Variants in THSD7B observed in about 807,000 individuals in gnomAD.
THSD7B encodes thrombospondin type 1 domain containing 7B.
A neutral mutation model predicts 213.6 loss-of-function variants in THSD7B; 138 were observed. The ratio of observed to expected loss-of-function variants is 0.65; its 90% CI spans 0.56 to 0.74. The LOEUF (loss-of-function observed/expected upper bound fraction) is 0.74. Ranked by LOEUF, THSD7B falls within the 30% of genes least tolerant of loss-of-function variation. THSD7B has a pLI of 0.00. For missense variants in THSD7B, 1,931 were observed against 1,991.5 expected (o/e 0.97, Z 0.58); for synonymous variants, 742 against 687.0 (o/e 1.08, Z -1.25).
At chr2:136,790,491 C>T (rs1359299782) in intron 1 of THSD7B, among the ~76,000 whole-genome samples, 1 of 152,058 alleles carries the variant, frequency 6.6e-6, no homozygotes, top group Non-Finnish European at 1.5e-5. Flanking sequence ...GTGATCTCCA[C>T]TTTTATTGCA....
At chr2:137,368,832 T>C (rs1185313940) in intron 12 of THSD7B, among the ~76,000 whole-genome samples, 1 of 152,074 alleles carries the variant, frequency 6.6e-6, no homozygotes, top group Non-Finnish European at 1.5e-5. Flanking sequence ...GTTATTTGCA[T>C]TTGCAATCAT....
intron 15 of THSD7B, among the ~76,000 whole-genome samples, chr2:137,465,214 T>C (rs1284662996): frequency 5.9e-5 from 9 of 151,834 alleles, no homozygotes; most frequent in African/African-American, 2.2e-4. Flanking sequence ...AGGGTGGGAC[T>C]GGGATGTGAG....
intron 2 of THSD7B, among the ~76,000 whole-genome samples, chr2:136,912,846 C>T (rs536529222): frequency 6.6e-6 from 1 of 152,238 alleles, no homozygotes; most frequent in African/African-American, 2.4e-5. Flanking sequence ...TCTTTTTCTT[C>T]CCAGTCTCAG....
intron 2 of THSD7B, among the ~76,000 whole-genome samples, chr2:136,936,194 A>G (rs1684724009): frequency 6.6e-6 from 1 of 152,114 alleles, no homozygotes; most frequent in African/African-American, 2.4e-5. Context: ...GGATGTGGTG[A>G]AAAGCGAACA....
intron 1 of THSD7B, among the ~76,000 whole-genome samples, chr2:136,876,696 A>G (rs1483262198): frequency 6.6e-6 from 1 of 152,228 alleles, no homozygotes. Context: ...GTGTATGTGC[A>G]TAAAAATGTC....
At chr2:137,650,318 C>A (rs780065370) in intron 21 of THSD7B, among the ~76,000 whole-genome samples, 3 of 151,996 alleles carry the variant, frequency 2.0e-5, no homozygotes, top group Non-Finnish European at 4.4e-5. Flanking sequence ...AATTGATTTG[C>A]AGGTGTTTTA....
chr2:137,124,075 C>T (rs1049128780), intron 5 of THSD7B, among the ~76,000 whole-genome samples: 2 of 152,210 alleles, frequency 1.3e-5, no homozygotes, highest in African/African-American at 4.8e-5. Context: ...TTCGCATACA[C>T]CTGCACTTCA....
chr2:137,522,585 G>A (rs1056027043), intron 15 of THSD7B, among the ~76,000 whole-genome samples: 1 of 151,950 alleles, frequency 6.6e-6, no homozygotes, highest in African/African-American at 2.4e-5. Flanking sequence ...AAATGTGAGG[G>A]AACTGTGGAA....
At chr2:137,363,615 C>T (rs557904358) in intron 12 of THSD7B, among the ~76,000 whole-genome samples, 93 of 152,234 alleles carry the variant, frequency 6.1e-4, no homozygotes, top group African/African-American at 1.9e-3. Flanking sequence ...AACAGCTCTA[C>T]GCAAATAAAC....
intron 15 of THSD7B, chr2:137,538,387 T>C: frequency 2.2e-6 from 1 of 455,228 alleles, no homozygotes; most frequent in South Asian, 1.6e-5. Context: ...AAAGGATTTC[T>C]ACTTTTTTCA....
intron 15 of THSD7B, among the ~76,000 whole-genome samples, chr2:137,503,294 C>A (rs890831573): frequency 1.3e-5 from 2 of 152,122 alleles, no homozygotes; most frequent in Non-Finnish European, 2.9e-5. Context: ...CAGAATATTT[C>A]TCCTACCCTA....
chr2:137,249,680 A>G (rs562731291), intron 10 of THSD7B, among the ~76,000 whole-genome samples: 86 of 152,324 alleles, frequency 5.6e-4, no homozygotes, highest in African/African-American at 2.1e-3. Context: ...GCTCAGAAAG[A>G]TGAAGTAACT....
intron 2 of THSD7B, among the ~76,000 whole-genome samples, chr2:136,885,773 A>G (rs1326761960): frequency 6.6e-6 from 1 of 152,142 alleles, no homozygotes; most frequent in East Asian, 1.9e-4. Context: ...AAATTGATTG[A>G]GAATAAAATA....
At chr2:137,186,355 T>C (rs114944549) in intron 7 of THSD7B, among the ~76,000 whole-genome samples, 1,820 of 152,252 alleles carry the variant, frequency 0.012, 31 homozygotes, top group African/African-American at 0.041. Flanking sequence ...AAGAATTTTG[T>C]AGTTTGAGGT....
intron 1 of THSD7B, among the ~76,000 whole-genome samples, chr2:136,806,683 G>T (rs961268868): frequency 6.6e-6 from 1 of 152,150 alleles, no homozygotes; most frequent in African/African-American, 2.4e-5. Flanking sequence ...GACAGAAGAC[G>T]AATCTGCTAA....
chr2:137,245,008 G>A (rs543466413), intron 10 of THSD7B, among the ~76,000 whole-genome samples: 2 of 152,204 alleles, frequency 1.3e-5, no homozygotes, highest in Admixed American at 6.5e-5. Context: ...GGGGGGTGGT[G>A]TCCCAGAAAT....
intron 7 of THSD7B, among the ~76,000 whole-genome samples, chr2:137,211,487 T>C (rs1681111864): frequency 6.6e-6 from 1 of 152,050 alleles, no homozygotes; most frequent in South Asian, 2.1e-4. Flanking sequence ...AATATATGTG[T>C]TATGTAATTT....
At chr2:137,357,528 C>G (rs1357139301) in intron 12 of THSD7B, among the ~76,000 whole-genome samples, 1 of 152,102 alleles carries the variant, frequency 6.6e-6, no homozygotes, top group East Asian at 1.9e-4. Context: ...ACCCCCGATG[C>G]CTTAGTAATT....
chr2:137,329,932 G>GTCT (rs1684459227), intron 12 of THSD7B, among the ~76,000 whole-genome samples: 1 of 152,152 alleles, frequency 6.6e-6, no homozygotes, highest in African/African-American at 2.4e-5. Context: ...TGGTTTCCTG[G>GTCT]TCTGGGCCCT....
Sources: allele counts gnomAD v4.1 joint callset (sites outside exome capture counted in the v4.1 genomes callset), GRCh38; gene constraint gnomAD v4.1.1; transcripts MANE v1.5; gene names NCBI Gene and HGNC (gene_info 2026-07-23, HGNC 2026-07-21).